Variants in EXTL3 observed in about 807,000 individuals in gnomAD.
EXTL3 encodes the protein exostosin like glycosyltransferase 3.
Under a neutral mutation model 69.3 loss-of-function variants are expected in EXTL3, and 27 were observed. The observed-to-expected ratio is 0.39, with a 90% CI of 0.29 to 0.54. The LOEUF is 0.54. Among genes scored for constraint, EXTL3 ranks in the 20% least tolerant of loss-of-function variants. EXTL3 has a pLI of 0.69. For missense variants in EXTL3, 1,003 were observed against 1,231.8 expected, an observed-to-expected ratio of 0.81 and a Z score of 2.78; for synonymous variants, 511 against 499.4, an observed-to-expected ratio of 1.02 and a Z score of -0.31.
At chr8:28,622,716 G>T (rs1476210384), upstream of EXTL3, 1 of 152,128 alleles carries the variant, frequency 6.6e-6, no homozygotes, top group Non-Finnish European at 1.5e-5. Context: ...GGCCTCAGGG[G>T]GCGGGACCGT....
At chr8:28,726,019 A>G (rs1801404924) in intron 3 of EXTL3, among the ~76,000 whole-genome samples, 1 of 150,420 alleles carries the variant, frequency 6.6e-6, no homozygotes, top group African/African-American at 2.5e-5. Flanking sequence ...GCAGTGGCAC[A>G]ATCTCGGCTC....
Position 28,717,479 on chromosome 8 carries a change from G to A in EXTL3, c.1420G>A (p.Asp474Asn). Residue 474 changes from aspartate to asparagine, a missense_variant, in exon 3 of 7, where the codon GAC (aspartate) becomes AAC (asparagine). This residue lies in a region of EXTL3 where 742 missense variants were observed against 815.4 expected (regional missense o/e 0.91). Transcript: ENST00000220562. This position sits in a 1 kb window ranked among gnomAD's most constrained non-coding sequence, Gnocchi z 8.3. ...LGEQVQLPYQ[D>N]MLQWNEAALV... ...GGAGCAGGTCCAGCTTCCCTACCAG[G>A]ACATGCTGCAGTGGAACGAGGCGGC... 1 of 1,614,230 alleles carries A rather than the reference G, an allele frequency of 6.2e-7. No individual in the cohort carries two copies. Among genetic ancestry groups the A allele is most frequent in the Non-Finnish European group, 8.5e-7 (1 of 1,180,038 alleles).
Position 28,755,111 on chromosome 8 carries a change from A to G in EXTL3, c.*4245A>G, listed in dbSNP as rs565708495. 46 of 152,278 alleles carry G rather than the reference A, an allele frequency of 3.0e-4. No individual in the cohort carries two copies. The highest frequency in any genetic ancestry group is 1.1e-3 in the African/African-American group (45 of 41,570). 9.4% of individuals were successfully genotyped at this position (152,278 alleles called of 1,614,324 possible). On this transcript the variant is annotated 3_prime_UTR_variant, in exon 7 of 7. Coordinates refer to ENST00000220562, the MANE Select transcript of EXTL3 (RefSeq NM_001440.4). ...TTAAGCATATGTTAAAAGTTAAATAATATAATATACGTAGAGTCCACTGTT... is the reference window on the plus strand; with the variant it reads ...TTAAGCATATGTTAAAAGTTAAATAGTATAATATACGTAGAGTCCACTGTT...
At chr8:28,729,595 C>CAAAA (rs567929424) in intron 3 of EXTL3, among the ~76,000 whole-genome samples, 8 of 33,238 alleles carry the variant, frequency 2.4e-4, no homozygotes, top group African/African-American at 4.7e-4. Flanking sequence ...GACTCCATCT[C>CAAAA]AAAAAAAAAA....
intron 6 of EXTL3, among the ~76,000 whole-genome samples, chr8:28,747,798 A>G: frequency 7.0e-6 from 1 of 142,628 alleles, no homozygotes; most frequent in Non-Finnish European, 1.5e-5. Flanking sequence ...GCACGATCTC[A>G]GGTCACTGCA....
chr8:28,720,918 T>C (rs906692073), intron 3 of EXTL3, among the ~76,000 whole-genome samples: 1 of 152,228 alleles, frequency 6.6e-6, no homozygotes, highest in African/African-American at 2.4e-5. Context: ...GTCTAGCCTT[T>C]TGAAAAACTC....
At chr8:28,696,652 C>T (rs1180441527), upstream of EXTL3, 1 of 151,080 alleles carries the variant, frequency 6.6e-6, no homozygotes, top group Non-Finnish European at 1.5e-5. Flanking sequence ...CTTGGCCTCC[C>T]AGGTTCAAGC....
chr8:28,661,519 G>A (rs1468494205), intron 1 of EXTL3, among the ~76,000 whole-genome samples: 2 of 151,798 alleles, frequency 1.3e-5, no homozygotes, highest in Non-Finnish European at 2.9e-5. Flanking sequence ...ATATGTTGGG[G>A]CGTATATAAA....
intron 4 of EXTL3, among the ~76,000 whole-genome samples, chr8:28,732,444 T>C (rs1377731693): frequency 6.6e-6 from 1 of 152,222 alleles, no homozygotes; most frequent in African/African-American, 2.4e-5. Flanking sequence ...AGTGTACAAT[T>C]CAGTGGTTTT....
In EXTL3 at chr8:28,717,401, G is replaced by A. The variant is rs776651722; in HGVS notation, c.1342G>A (p.Ala448Thr). ...DPRLVISSGCATRLFEALEVG... is the reference protein window; with the variant it reads ...DPRLVISSGCTTRLFEALEVG... ...TCGCTTGGTTATTTCCTCTGGGTGT[G>A]CAACACGGCTCTTCGAAGCCCTGGA... The change falls in exon 3 of 7, where the codon GCA becomes ACA. Residue 448 changes from alanine (A) to threonine (T), a missense_variant. Physicochemically the swap from Ala to Thr is moderately conservative, Grantham distance 58. Transcript: ENST00000220562. The surrounding 1 kb of genome is among the most constrained non-coding windows in gnomAD (Gnocchi z 8.3). The A allele has an allele frequency of 2.5e-6, 4 of 1,614,204 alleles. No homozygotes were observed. In the Middle Eastern group the frequency reaches 6.6e-4, roughly 266 times the overall value.
intron 1 of EXTL3, among the ~76,000 whole-genome samples, chr8:28,712,686 A>G (rs181849967): frequency 4.1e-4 from 63 of 152,308 alleles, no homozygotes; most frequent in Non-Finnish European, 4.0e-4. Context: ...TGCTCATGCT[A>G]TTGGACATGG....
intron 1 of EXTL3, among the ~76,000 whole-genome samples, chr8:28,663,369 G>A (rs181055669): frequency 2.1e-4 from 32 of 152,292 alleles, no homozygotes; most frequent in African/African-American, 5.5e-4. Context: ...GCAGAAAAGC[G>A]GGCCTGGAAA....
intron 5 of EXTL3, chr8:28,742,613 TGG>T: frequency 4.8e-6 from 1 of 207,108 alleles, no homozygotes; most frequent in South Asian, 8.2e-5. Flanking sequence ...CCAGGGCCGA[TGG>T]CGAGTACTGA....
At chr8:28,640,882 G>A (rs145070805) in intron 1 of EXTL3, among the ~76,000 whole-genome samples, 1,672 of 152,212 alleles carry the variant, frequency 0.011, 30 homozygotes, top group African/African-American at 0.038. Context: ...GATTATAGGC[G>A]TGAGCCACTA....
chr8:28,644,098 GA>G (rs890748675), intron 1 of EXTL3, among the ~76,000 whole-genome samples: 11 of 151,560 alleles, frequency 7.3e-5, no homozygotes, highest in Non-Finnish European at 1.5e-4. Flanking sequence ...TTTACAGTTT[GA>G]TTTTTTTTTT....
chr8:28,745,574 A>G (rs1391049954), intron 6 of EXTL3, among the ~76,000 whole-genome samples: 2 of 152,190 alleles, frequency 1.3e-5, no homozygotes, highest in African/African-American at 4.8e-5. Context: ...TCTTCCTTAT[A>G]TATCCTTTCT....
intron 1 of EXTL3, among the ~76,000 whole-genome samples, chr8:28,695,373 C>T (rs939947974): frequency 6.6e-6 from 1 of 152,028 alleles, no homozygotes; most frequent in Non-Finnish European, 1.5e-5. Flanking sequence ...GTGATACACC[C>T]GCCTCGGCCT....
At chr8:28,692,441 G>A (rs188386500) in intron 1 of EXTL3, among the ~76,000 whole-genome samples, 2 of 152,272 alleles carry the variant, frequency 1.3e-5, no homozygotes, top group African/African-American at 2.4e-5. Context: ...TAGGAAAATA[G>A]GGGAAAACTT....
chr8:28,675,906 C>T (rs1807373937), intron 1 of EXTL3, among the ~76,000 whole-genome samples: 1 of 151,156 alleles, frequency 6.6e-6, no homozygotes. Flanking sequence ...CCTGTAATCC[C>T]AGCTGCTTGG....
Sources: allele counts gnomAD v4.1 joint callset (sites outside exome capture counted in the v4.1 genomes callset), GRCh38; gene constraint gnomAD v4.1.1; regional missense constraint gnomAD v4.1.1; non-coding constraint Gnocchi (gnomAD v3.1); transcripts MANE v1.5; gene names NCBI Gene and HGNC (gene_info 2026-07-23, HGNC 2026-07-21).